Variants in PRR5L observed in about 807,000 individuals in gnomAD.
PRR5L encodes proline-rich protein 5-like.
A neutral mutation model predicts 36.4 loss-of-function variants in PRR5L; 21 were observed. The observed-to-expected ratio is 0.58, with a 90% CI of 0.41 to 0.83. PRR5L has a LOEUF of 0.83. Among genes scored for constraint, PRR5L ranks in the 40% least tolerant of loss-of-function variants. The pLI is 0.00. For synonymous variants in PRR5L, 188 were observed against 197.0 expected, an observed-to-expected ratio of 0.95 and a Z score of 0.38; for missense variants, 381 against 473.3, an observed-to-expected ratio of 0.80 and a Z score of 1.81.
At chr11:36,412,829 T>G (rs12281380) in intron 3 of PRR5L, among the ~76,000 whole-genome samples, 1 of 152,048 alleles carries the variant, frequency 6.6e-6, no homozygotes, top group African/African-American at 2.4e-5. Flanking sequence ...GGAGAAATCA[T>G]TGAGCTCTGT....
chr11:36,456,180 T>G (rs1123347), intron 8 of PRR5L, among the ~76,000 whole-genome samples: 74,810 of 151,938 alleles, frequency 0.49, 19,744 homozygotes, highest in South Asian at 0.68. Context: ...CTGTCTCAGG[T>G]AAGGGCCAGG....
At chr11:36,388,657 T>TGTG (rs879615909) in intron 1 of PRR5L, among the ~76,000 whole-genome samples, 58 of 151,984 alleles carry the variant, frequency 3.8e-4, no homozygotes, top group Non-Finnish European at 7.5e-4. Context: ...CACGTGGCTC[T>TGTG]GTGTTTAGCC....
intron 1 of PRR5L, among the ~76,000 whole-genome samples, chr11:36,297,124 G>A (rs536380729): frequency 6.6e-6 from 1 of 152,282 alleles, no homozygotes; most frequent in Non-Finnish European, 1.5e-5. Context: ...GATAATTTAA[G>A]TCATTCACCC....
chr11:36,301,556 G>A (rs553969085), intron 1 of PRR5L, among the ~76,000 whole-genome samples: 1 of 152,282 alleles, frequency 6.6e-6, no homozygotes, highest in East Asian at 1.9e-4. Context: ...GGGTCAGTGT[G>A]TGTGTAGGGG....
intron 1 of PRR5L, among the ~76,000 whole-genome samples, chr11:36,388,690 C>CTTTA (rs1857500778): frequency 1.1e-5 from 1 of 95,176 alleles, no homozygotes; most frequent in Admixed American, 1.3e-4. Flanking sequence ...AAGGTCGGCT[C>CTTTA]TTTCTTTCTT....
At chr11:36,364,873 C>T (rs1411153963) in intron 1 of PRR5L, among the ~76,000 whole-genome samples, 2 of 152,190 alleles carry the variant, frequency 1.3e-5, no homozygotes, top group African/African-American at 4.8e-5. Flanking sequence ...AATTTGTTTC[C>T]TTTCTCCCTC....
rs1857303464 is a variant in PRR5L at position 36,377,845 on chromosome 11, C to T, written c.-125-23152C>T. ...GAGCTGCACGTCTGCCCCGGAGACCCGCGTGGAAAAAGCTCTGGGCTGGAA... is the reference window on the plus strand; with the variant it reads ...GAGCTGCACGTCTGCCCCGGAGACCTGCGTGGAAAAAGCTCTGGGCTGGAA... On this transcript the variant is annotated intron_variant, in intron 1 of 8. Transcript: ENST00000530639. This position sits in a 1 kb window ranked among gnomAD's most constrained non-coding sequence, Gnocchi z 5.1. 1 of 152,222 alleles carries T rather than the reference C, an allele frequency of 6.6e-6. No individual in the cohort carries two copies. The highest frequency in any genetic ancestry group is 1.5e-5 in the Non-Finnish European group (1 of 68,058). 9.4% of individuals were successfully genotyped at this position (152,222 alleles called of 1,614,324 possible).
At chr11:36,442,321 A>G (rs894199615) in intron 6 of PRR5L, among the ~76,000 whole-genome samples, 3 of 149,888 alleles carry the variant, frequency 2.0e-5, no homozygotes, top group African/African-American at 7.3e-5. Flanking sequence ...GCCATGCCAC[A>G]TCTTGAATGC....
chr11:36,343,192 G>T (rs893354545), intron 1 of PRR5L, among the ~76,000 whole-genome samples: 1 of 152,162 alleles, frequency 6.6e-6, no homozygotes, highest in Non-Finnish European at 1.5e-5. Context: ...GATCAGAAAT[G>T]CATTCAGAAT....
At chr11:36,460,084 A>G (rs1189980725) in intron 8 of PRR5L, among the ~76,000 whole-genome samples, 1 of 152,214 alleles carries the variant, frequency 6.6e-6, no homozygotes, top group African/African-American at 2.4e-5. Flanking sequence ...TTTTATACAC[A>G]GGTGTGGTGG....
chr11:36,300,440 T>G (rs1175899907), intron 1 of PRR5L, among the ~76,000 whole-genome samples: 1 of 152,260 alleles, frequency 6.6e-6, no homozygotes, highest in East Asian at 1.9e-4. Context: ...TCTGCCCCCG[T>G]GACCCAAACA....
chr11:36,426,474 A>G (rs571181380), intron 4 of PRR5L, among the ~76,000 whole-genome samples: 6 of 152,208 alleles, frequency 3.9e-5, no homozygotes, highest in Non-Finnish European at 8.8e-5. Context: ...GACGTACACA[A>G]AGTGCCTGAT....
intron 7 of PRR5L, 22 bp downstream of exon 7, chr11:36,446,462 G>GC: frequency 6.2e-7 from 1 of 1,611,786 alleles, no homozygotes; most frequent in South Asian, 1.1e-5. Context: ...CTGGAGACTT[G>GC]CCCCAAGGCA....
At chr11:36,378,250 C>T (rs1399997791) in intron 1 of PRR5L, among the ~76,000 whole-genome samples, 1 of 152,086 alleles carries the variant, frequency 6.6e-6, no homozygotes, top group East Asian at 1.9e-4. Flanking sequence ...AAAATTTAGC[C>T]CCTGGTAAGG....
chr11:36,427,303 T>TA (rs1277389878), intron 4 of PRR5L, among the ~76,000 whole-genome samples: 1 of 152,270 alleles, frequency 6.6e-6, no homozygotes, highest in East Asian at 1.9e-4. Flanking sequence ...GAGGATGCAT[T>TA]AAGTAACAAT....
chr11:36,341,805 C>T lies in PRR5L; in HGVS notation c.-126+45367C>T, dbSNP rs545583482. Among the ~76,000 whole-genome samples the T allele has an allele frequency of 4.9e-4, 74 of 152,282 alleles. 1 individual carries two copies. The highest frequency in any genetic ancestry group is 1.8e-3 in the African/African-American group (73 of 41,564). On this transcript the variant is annotated intron_variant, in intron 1 of 8. Transcript: ENST00000530639. Reference sequence around the variant, plus strand: ...GCTCTGTGGTGTTTACCTGGTTTTCCAGAAGCTGAGATGTCAGGTGGGCTT... The same window carrying T: ...GCTCTGTGGTGTTTACCTGGTTTTCTAGAAGCTGAGATGTCAGGTGGGCTT...
intron 1 of PRR5L, among the ~76,000 whole-genome samples, chr11:36,352,061 C>T (rs531109253): frequency 6.6e-6 from 1 of 151,848 alleles, no homozygotes; most frequent in South Asian, 2.1e-4. Context: ...AAAAATTGTT[C>T]CCTTTTGACT....
intron 1 of PRR5L, among the ~76,000 whole-genome samples, chr11:36,342,351 T>A (rs1856825519): frequency 6.6e-6 from 1 of 152,086 alleles, no homozygotes; most frequent in African/African-American, 2.4e-5. Flanking sequence ...GGGCGAAATA[T>A]GCCCCATAAG....
At chr11:36,310,760 G>A (rs551906570) in intron 1 of PRR5L, among the ~76,000 whole-genome samples, 2 of 152,106 alleles carry the variant, frequency 1.3e-5, no homozygotes, top group East Asian at 1.9e-4. Flanking sequence ...GCACTTTGGG[G>A]GGCCGAGGTG....
Sources: gnomAD v4.1 joint callset for allele counts (sites outside exome capture counted in the v4.1 genomes callset) on GRCh38, gnomAD v4.1.1 for gene constraint, Gnocchi (gnomAD v3.1) non-coding constraint, MANE v1.5 for transcripts, NCBI Gene and HGNC (gene_info 2026-07-23, HGNC 2026-07-21) for gene names.